Variants in GUSB observed in about 807,000 individuals in gnomAD.
GUSB encodes beta-glucuronidase.
GUSB carries 51 observed loss-of-function variants against 74.6 expected under a neutral mutation model. The observed-to-expected ratio is 0.68, with a 90% CI of 0.55 to 0.86. GUSB has a LOEUF of 0.86. GUSB is among the 40% of genes least tolerant of loss of function. GUSB has a pLI of 0.00. For synonymous variants in GUSB, 360 were observed against 348.3 expected (o/e 1.03, Z -0.37); for missense variants, 736 against 853.7 (o/e 0.86, Z 1.72).
At chr7:65,963,063 G>A (rs1223993339) in intron 11 of GUSB, among the ~76,000 whole-genome samples, 1 of 151,974 alleles carries the variant, frequency 6.6e-6, no homozygotes, top group African/African-American at 2.4e-5. Flanking sequence ...TCTCCATGTT[G>A]GCCATGCTGG....
At chr7:65,969,264 C>T (rs1228634313) in intron 9 of GUSB, among the ~76,000 whole-genome samples, 1 of 152,084 alleles carries the variant, frequency 6.6e-6, no homozygotes, top group Non-Finnish European at 1.5e-5. Context: ...CACCTGTAAT[C>T]CCAGCTACTC....
chr7:65,975,955 G>A (rs762342769), intron 5 of GUSB, 60 bp downstream of exon 5: 2 of 1,452,034 alleles, frequency 1.4e-6, no homozygotes, highest in Admixed American at 1.7e-5. Flanking sequence ...TCCTGCTGAA[G>A]CCAGGGTCAC....
chr7:65,967,780 G>A lies in GUSB; in HGVS notation c.1604C>T (p.Pro535Leu), dbSNP rs1450743730. ...FENWYKKYQK[P>L]IIQSEYGAET... ...TGCTCCATACTCGCTCTGAATAATG[G>A]GCTTCTGATACTTCTTATACCAGTT... The change falls in exon 10 of 12, where the codon CCC becomes CTC. Residue 535 changes from proline (P) to leucine (L), a missense_variant. By Grantham distance (98) the Pro-to-Leu change is moderately conservative. Coordinates refer to ENST00000304895, the MANE Select transcript of GUSB (RefSeq NM_000181.4). 1 of 1,613,482 alleles carries A rather than the reference G, an allele frequency of 6.2e-7. No individual in the cohort carries two copies. Among genetic ancestry groups the A allele is most frequent in the Non-Finnish European group, 8.5e-7 (1 of 1,179,874 alleles).
At chr7:65,973,422 G>T (rs981638842) in intron 8 of GUSB, among the ~76,000 whole-genome samples, 1 of 152,162 alleles carries the variant, frequency 6.6e-6, no homozygotes, top group South Asian at 2.1e-4. Context: ...CCCCGTCTCT[G>T]CTAAAAATAC....
intron 11 of GUSB, 59 bp from the exon 12 acceptor site, chr7:65,961,122 G>T: frequency 6.7e-7 from 1 of 1,502,032 alleles, no homozygotes; most frequent in Non-Finnish European, 9.3e-7. Context: ...GGTCAAGTTA[G>T]AACCAGTCTG....
At chr7:65,970,413 G>T in intron 8 of GUSB, 47 bp from the exon 9 acceptor site, 1 of 1,225,678 alleles carries the variant, frequency 8.2e-7, no homozygotes, top group Non-Finnish European at 1.2e-6. Context: ...TCCAGGAATG[G>T]CTCAGACACC....
intron 11 of GUSB, among the ~76,000 whole-genome samples, chr7:65,963,525 C>T (rs139154566): frequency 3.0e-4 from 45 of 152,234 alleles, no homozygotes; most frequent in Admixed American, 1.0e-3. Context: ...CACAAGACAC[C>T]GCAGATGTTA....
At chr7:65,974,166 T>C (rs1791399098) in intron 8 of GUSB, 129 bp downstream of exon 8, 16 of 821,158 alleles carry the variant, frequency 1.9e-5, no homozygotes, top group Non-Finnish European at 3.3e-5. Flanking sequence ...CCCTGAACTA[T>C]CTGGGTATGG....
In GUSB at chr7:65,975,037, A is replaced by G. The variant is rs746697465; in HGVS notation, c.947T>C (p.Val316Ala). 4.3e-6 allele frequency: 7 copies of G among 1,613,672 alleles called. No individual in the cohort carries two copies. The highest frequency in any genetic ancestry group is 8.5e-7 in the Non-Finnish European group (1 of 1,179,698). The change falls in exon 6 of 12, where the codon GTG (valine) becomes GCG (alanine). Residue 316 changes from valine (V) to alanine (A), a missense_variant. By Grantham distance (64) the Val-to-Ala change is moderately conservative. Around this residue, in one of 2 missense-constraint regions of GUSB, gnomAD observed 368 missense variants for 489.9 expected, o/e 0.75. Transcript: ENST00000304895. ...CACAGGGAGTGTGTAGAAGTCAGAC[A>G]CAGGCCCCAGTGACGTCTGTGCAGT... ...QLTAQTSLGP[V>A]SDFYTLPVGI...
At chr7:65,965,090 T>A (rs1203382283) in intron 10 of GUSB, among the ~76,000 whole-genome samples, 3 of 150,098 alleles carry the variant, frequency 2.0e-5, no homozygotes, top group East Asian at 2.0e-4. Flanking sequence ...TATATATATA[T>A]AAAAATTAAA....
chr7:65,971,097 G>T (rs1245631775), intron 8 of GUSB, among the ~76,000 whole-genome samples: 1 of 152,182 alleles, frequency 6.6e-6, no homozygotes, highest in African/African-American at 2.4e-5. Flanking sequence ...GAGGTCACTA[G>T]GCTGGACACT....
chr7:65,976,661 A>G (rs998858983), intron 4 of GUSB, among the ~76,000 whole-genome samples: 2 of 147,856 alleles, frequency 1.4e-5, no homozygotes, highest in East Asian at 2.2e-4. Flanking sequence ...GGCCAGGTGC[A>G]GTGGTCACAC....
intron 2 of GUSB, 39 bp downstream of exon 2, chr7:65,980,185 G>GTCCCCCCCCCCC: frequency 4.1e-6 from 3 of 725,272 alleles, no homozygotes; most frequent in Non-Finnish European, 7.3e-6. Context: ...CAGCAGCCGT[G>GTCCCCCCCCCCC]CCCCCCCACC....
chr7:65,980,210 C>T lies in GUSB; in HGVS notation c.396+14G>A, dbSNP rs778571503. 5 of 1,553,620 alleles carry T rather than the reference C, an allele frequency of 3.2e-6. No individual in the cohort carries two copies. Among genetic ancestry groups the T allele is most frequent in the African/African-American group, 1.4e-5 (1 of 73,192 alleles). ...GCCCCCCCACCCGCCCTGCCTGCTC[C>T]TGGCCGCACTGACCACGATGGCATA... On this transcript the variant is annotated intron_variant, in intron 2 of 11. Coordinates refer to ENST00000304895, the MANE Select transcript of GUSB (RefSeq NM_000181.4).
chr7:65,976,320 T>C, intron 4 of GUSB, 118 bp from the exon 5 acceptor site: 1 of 730,362 alleles, frequency 1.4e-6, no homozygotes, highest in Non-Finnish European at 2.3e-6. Context: ...TTTTTTTAAA[T>C]TTAATTTCTT....
chr7:65,974,711 G>C lies in GUSB; in HGVS notation c.1066-7C>G, dbSNP rs761474178. The C allele has an allele frequency of 1.2e-6, 2 of 1,612,470 alleles. No individual in the cohort carries two copies. Among genetic ancestry groups the C allele is most frequent in the Non-Finnish European group, 1.7e-6 (2 of 1,179,972 alleles). On this transcript the variant is annotated splice_region_variant and splice_polypyrimidine_tract_variant and intron_variant, in intron 6 of 11. Transcript: ENST00000304895. Reference sequence around the variant, plus strand: ...CGAAGCCCTTCCCTCGGATCTAGGAGATAGCAGAGCCAAGTGACCCCTGTC... The same window carrying C: ...CGAAGCCCTTCCCTCGGATCTAGGACATAGCAGAGCCAAGTGACCCCTGTC...
chr7:65,964,085 A>G (rs1282657539), intron 11 of GUSB: 10 of 546,872 alleles, frequency 1.8e-5, no homozygotes, highest in Non-Finnish European at 3.4e-5. Flanking sequence ...CCGATTCACT[A>G]TAGCTGACTC....
chr7:65,971,104 C>A (rs1160120979), intron 8 of GUSB, among the ~76,000 whole-genome samples: 2 of 152,196 alleles, frequency 1.3e-5, no homozygotes, highest in Non-Finnish European at 2.9e-5. Flanking sequence ...CTAGGCTGGA[C>A]ACTGGCAAAA....
chr7:65,980,185 G>GGGGGGGGGGGC, intron 2 of GUSB, 39 bp downstream of exon 2: 1 of 725,274 alleles, frequency 1.4e-6, no homozygotes, highest in Non-Finnish European at 2.4e-6. Flanking sequence ...CAGCAGCCGT[G>GGGGGGGGGGGC]CCCCCCCACC....
Sources: gnomAD v4.1 joint callset for allele counts (sites outside exome capture counted in the v4.1 genomes callset) on GRCh38, gnomAD v4.1.1 for gene constraint, gnomAD v4.1.1 regional missense constraint, MANE v1.5 for transcripts, NCBI Gene and HGNC (gene_info 2026-07-23, HGNC 2026-07-21) for gene names.